The following PTPRT variants were observed in gnomAD, a reference collection of about 807,000 sequenced individuals.
PTPRT encodes the protein receptor-type tyrosine-protein phosphatase T.
Under a neutral mutation model 176.8 loss-of-function variants are expected in PTPRT, and 56 were observed. That is an observed-to-expected ratio of 0.32 (90% CI 0.26 to 0.40). The LOEUF is 0.40. Among genes scored for constraint, PTPRT ranks in the 10% least tolerant of loss-of-function variants. The probability of loss-of-function intolerance (pLI) is 1.00; values close to 1 mark genes in which losing one functional copy is unlikely to be tolerated. For missense variants in PTPRT, 1,540 were observed against 1,908.2 expected (o/e 0.81, Z 3.60); for synonymous variants, 783 against 739.0 (o/e 1.06, Z -0.96).
intron 1 of PTPRT, among the ~76,000 whole-genome samples, chr20:43,128,377 T>C (rs144503977): frequency 2.7e-3 from 407 of 152,354 alleles, no homozygotes; most frequent in African/African-American, 9.6e-3. Context: ...AATTGCTACA[T>C]CTATCCTATC....
rs1287690749 is a variant in PTPRT at position 43,114,006 on chromosome 20, AG to A, written c.88+75639del. Reference sequence around the variant, plus strand: ...CTATGTAAATTACATATTAATGTAAAGGCCTATGTACATCAAACTATGGATT... The same window carrying A: ...CTATGTAAATTACATATTAATGTAAAGCCTATGTACATCAAACTATGGATT... On this transcript the variant is annotated intron_variant, in intron 1 of 30. Coordinates refer to ENST00000373187, the MANE Select transcript of PTPRT (RefSeq NM_007050.6). Among the ~76,000 whole-genome samples, 5 of 152,344 alleles carry A rather than the reference AG, an allele frequency of 3.3e-5. No homozygotes were observed. In the East Asian group the frequency reaches 9.6e-4, roughly 29 times the overall value.
chr20:42,693,388 A>G (rs1296334221), intron 6 of PTPRT, among the ~76,000 whole-genome samples: 3 of 152,262 alleles, frequency 2.0e-5, no homozygotes, highest in Non-Finnish European at 4.4e-5. Context: ...GCAAAAGGCC[A>G]GGAATATTCA....
chr20:42,352,848 C>T (rs1884351801), intron 9 of PTPRT, among the ~76,000 whole-genome samples: 1 of 151,936 alleles, frequency 6.6e-6, no homozygotes, highest in African/African-American at 2.4e-5. Context: ...ATATATACAC[C>T]TACTATGTAC....
chr20:42,793,172 C>G (rs1325940968), intron 2 of PTPRT, among the ~76,000 whole-genome samples: 24 of 152,154 alleles, frequency 1.6e-4, no homozygotes, highest in Admixed American at 1.6e-3. Flanking sequence ...TTTTCGCCAT[C>G]CTACCAATGA....
In PTPRT at chr20:42,629,829, C is replaced by G. The variant is rs536393405; in HGVS notation, c.1153+48037G>C. Reference sequence around the variant, plus strand: ...GCCAAGGATCCAAACGACATGGGAACCAGGCATGATTCAAAACAGCCACTG... The same window carrying G: ...GCCAAGGATCCAAACGACATGGGAAGCAGGCATGATTCAAAACAGCCACTG... On this transcript the variant is annotated intron_variant, in intron 7 of 30. Coordinates refer to ENST00000373187, the MANE Select transcript of PTPRT (RefSeq NM_007050.6). Among the ~76,000 whole-genome samples the G allele has an allele frequency of 2.0e-5, 3 of 152,250 alleles. No individual in the cohort carries two copies. In the East Asian group the frequency reaches 5.8e-4, roughly 29 times the overall value.
the PTPRT span, chr20:42,063,807 T>C: frequency 6.6e-6 from 1 of 152,282 alleles, no homozygotes; most frequent in Admixed American, 6.5e-5. Flanking sequence ...GGATTGGGGA[T>C]GGTGGCCAAT....
chr20:42,138,117 T>C (rs1988457528), intron 18 of PTPRT, among the ~76,000 whole-genome samples: 2 of 152,232 alleles, frequency 1.3e-5, no homozygotes, highest in African/African-American at 2.4e-5. Flanking sequence ...ATTCAGTAAG[T>C]CTGGGGTGGA....
intron 8 of PTPRT, among the ~76,000 whole-genome samples, chr20:42,454,419 A>C (rs1326916387): frequency 6.6e-6 from 1 of 152,192 alleles, no homozygotes; most frequent in African/African-American, 2.4e-5. Flanking sequence ...GTGTAATGCC[A>C]AATTGTTTTC....
At position 42,161,367 on chromosome 20, in the gene PTPRT, G is replaced by A; in HGVS notation, c.2667C>T (p.Phe889=). 2 of 1,614,052 alleles carry A rather than the reference G, an allele frequency of 1.2e-6. No homozygotes were observed. Among genetic ancestry groups the A allele is most frequent in the Non-Finnish European group, 1.7e-6 (2 of 1,180,018 alleles). The change falls in exon 17 of 31, where the codon TTC becomes TTT. Residue 889 remains phenylalanine (F), a synonymous_variant. Coordinates refer to ENST00000373187, the MANE Select transcript of PTPRT (RefSeq NM_007050.6). ...GGTCTCTTACCTCGTATTCCTCCTT[G>A]AACCCGTAGCCCTGGCCTCTCTTCA... ...TQMKRGQGYG[F]KEEYEALPEG...
At chr20:42,260,036 A>G (rs532410998) in intron 13 of PTPRT, among the ~76,000 whole-genome samples, 1 of 152,362 alleles carries the variant, frequency 6.6e-6, no homozygotes, top group Admixed American at 6.5e-5. Context: ...AGGTAATTAG[A>G]CAACACTACT....
intron 23 of PTPRT, 125 bp from the exon 24 acceptor site, chr20:42,107,046 T>A: frequency 8.1e-7 from 1 of 1,239,350 alleles, no homozygotes; most frequent in East Asian, 2.4e-5. Flanking sequence ...TGTTCCCACA[T>A]TTCCTTTCTT....
chr20:42,678,016 C>T lies in PTPRT; in HGVS notation c.1003G>A (p.Ala335Thr), dbSNP rs767338819. The T allele has an allele frequency of 1.2e-6, 2 of 1,614,190 alleles. No homozygotes were observed. Among genetic ancestry groups the T allele is most frequent in the Non-Finnish European group, 1.7e-6 (2 of 1,180,042 alleles). The change falls in exon 7 of 31, where the codon GCA (alanine) becomes ACA (threonine). Residue 335 changes from alanine (A) to threonine (T), a missense_variant. Transcript: ENST00000373187. ...GGAGAGTCGACTATGTGGGTCTCTG[C>T]CCACGTGCCTGTGGTGGTGCGATAT... ...VEYRTTTGTW[A>T]ETHIVDSPNY... is the part of the protein sequence containing the mutation.
chr20:42,356,028 C>T (rs1438468573), intron 9 of PTPRT, among the ~76,000 whole-genome samples: 2 of 152,092 alleles, frequency 1.3e-5, no homozygotes, highest in African/African-American at 4.8e-5. Flanking sequence ...TTATGAAGGG[C>T]TTCACCAAAT....
chr20:42,410,752 A>T (rs558005203), intron 9 of PTPRT, among the ~76,000 whole-genome samples: 9 of 152,312 alleles, frequency 5.9e-5, no homozygotes, highest in African/African-American at 2.2e-4. Flanking sequence ...ATTTAAACTA[A>T]AAATTAATAA....
At chr20:43,145,394 A>T (rs2014140553) in intron 1 of PTPRT, among the ~76,000 whole-genome samples, 1 of 152,158 alleles carries the variant, frequency 6.6e-6, no homozygotes, top group African/African-American at 2.4e-5. Context: ...TCTGTTTCCT[A>T]TATCTCTATT....
chr20:42,407,928 G>T (rs935727098), intron 9 of PTPRT, among the ~76,000 whole-genome samples: 2 of 152,068 alleles, frequency 1.3e-5, no homozygotes, highest in South Asian at 4.2e-4. Flanking sequence ...AAATACATTT[G>T]ATGGGAATGG....
chr20:42,998,406 A>G (rs1256634451), intron 1 of PTPRT, among the ~76,000 whole-genome samples: 1 of 152,162 alleles, frequency 6.6e-6, no homozygotes, highest in Non-Finnish European at 1.5e-5. Context: ...AATTAAATAA[A>G]CAAAACGACA....
At chr20:42,656,801 A>G (rs530612145) in intron 7 of PTPRT, among the ~76,000 whole-genome samples, 1 of 152,316 alleles carries the variant, frequency 6.6e-6, no homozygotes, top group South Asian at 2.1e-4. Context: ...ATATAACAGT[A>G]TATTAAGACT....
chr20:42,943,539 C>T lies in PTPRT; in HGVS notation c.89-57607G>A, dbSNP rs867997284. Among the ~76,000 whole-genome samples the T allele has an allele frequency of 8.5e-5, 13 of 152,242 alleles. No individual in the cohort carries two copies. In the East Asian group the frequency reaches 1.2e-3, roughly 14 times the overall value. On this transcript the variant is annotated intron_variant, in intron 1 of 30. Transcript: ENST00000373187. Reference sequence around the variant, plus strand: ...GCCTCTCCTAGGACACCCCTACCCCCGAGTGGCTTCAGTCCTCTGGAATGA... The same window carrying T: ...GCCTCTCCTAGGACACCCCTACCCCTGAGTGGCTTCAGTCCTCTGGAATGA...
Sources: allele counts gnomAD v4.1 joint callset (sites outside exome capture counted in the v4.1 genomes callset), GRCh38; gene constraint gnomAD v4.1.1; transcripts MANE v1.5; gene names NCBI Gene and HGNC (gene_info 2026-07-23, HGNC 2026-07-21).